MTFR1L: variants seen among roughly 807,000 people sequenced by gnomAD.
MTFR1L encodes mitochondrial fission regulator 1 like, also known as mitochondrial fission regulator 1-like.
A neutral mutation model predicts 27.9 loss-of-function variants in MTFR1L; 10 were observed. That is an observed-to-expected ratio of 0.36 (90% CI 0.22 to 0.61). The LOEUF (loss-of-function observed/expected upper bound fraction) is 0.61. MTFR1L is among the 20% of genes least tolerant of loss of function. The pLI is 0.73. For missense variants in MTFR1L, 315 were observed against 363.7 expected, an observed-to-expected ratio of 0.87 and a Z score of 1.09; for synonymous variants, 151 against 139.4, an observed-to-expected ratio of 1.08 and a Z score of -0.58.
At chr1:25,823,789 G>A (rs1464944390) in intron 3 of MTFR1L, 41 bp downstream of exon 3, 1 of 1,605,018 alleles carries the variant, frequency 6.2e-7, no homozygotes, top group Admixed American at 1.7e-5. Context: ...GGCTCAGACA[G>A]TGCTGCTTCT....
In MTFR1L at chr1:25,832,304, T is replaced by A; in HGVS notation, c.*278T>A. On this transcript the variant is annotated 3_prime_UTR_variant, in exon 7 of 7. Coordinates refer to ENST00000374303, the MANE Select transcript of MTFR1L (RefSeq NM_001099625.2). Reference sequence around the variant, plus strand: ...TAAAGGGTAAGAGAGAAGTTGTTTCTGGTTTTTCCTTGCCCCTGTGTGAAA... The same window carrying A: ...TAAAGGGTAAGAGAGAAGTTGTTTCAGGTTTTTCCTTGCCCCTGTGTGAAA... 1 of 909,628 alleles carries A rather than the reference T, an allele frequency of 1.1e-6. No homozygotes were observed. Among genetic ancestry groups the A allele is most frequent in the Non-Finnish European group, 1.6e-6 (1 of 608,996 alleles). The allele number at this position is 909,628 out of a possible 1,614,324, so 56.3% of individuals were successfully genotyped here. A position where few individuals can be genotyped will look rare whatever the true frequency, so the allele number is the denominator to read the frequency against.
chr1:25,826,253 T>C lies in MTFR1L; in HGVS notation c.130-49T>C. On this transcript the variant is annotated intron_variant, in intron 3 of 6. Coordinates refer to ENST00000374303, the MANE Select transcript of MTFR1L (RefSeq NM_001099625.2). The surrounding 1 kb of genome is among the most constrained non-coding windows in gnomAD (Gnocchi z 4.1). Reference sequence around the variant, plus strand: ...TCCTGTGTATTCTGCAGTTTCTGATTGGCTCATCATGGCATCTGTAAATGT... The same window carrying C: ...TCCTGTGTATTCTGCAGTTTCTGATCGGCTCATCATGGCATCTGTAAATGT... 6.6e-7 allele frequency: 1 copy of C among 1,524,998 alleles called. No homozygotes were observed. The highest frequency in any genetic ancestry group is 1.1e-5 in the South Asian group (1 of 88,230). 94.5% of individuals were successfully genotyped at this position (1,524,998 alleles called of 1,614,324 possible).
At chr1:25,827,275 A>G (rs2048181079) in intron 5 of MTFR1L, among the ~76,000 whole-genome samples, 1 of 151,486 alleles carries the variant, frequency 6.6e-6, no homozygotes, top group Non-Finnish European at 1.5e-5. Flanking sequence ...AGCTGGGACT[A>G]CAGGGGTGTG....
chr1:25,829,790 A>G lies in MTFR1L; in HGVS notation c.733A>G (p.Ile245Val). Residue 245 changes from isoleucine (I) to valine (V), a missense_variant, in exon 6 of 7, where the codon ATC becomes GTC. By Grantham distance (29) the Ile-to-Val change is conservative (BLOSUM62 3). Coordinates refer to ENST00000374303, the MANE Select transcript of MTFR1L (RefSeq NM_001099625.2). ...CAGCAGCTTTGCAGACATGATGGGT[A>G]TCCTGAAGGACTTTCACCGAATGAA... The part of the protein sequence containing the change: ...KASSFADMMG[I>V]LKDFHRMKQS... 1 of 1,607,632 alleles carries G rather than the reference A, an allele frequency of 6.2e-7. No homozygotes were observed. Among genetic ancestry groups the G allele is most frequent in the Admixed American group, 1.7e-5 (1 of 60,012 alleles).
At position 25,831,917 on chromosome 1, in the gene MTFR1L, C is replaced by G. The variant is rs2048248160; in HGVS notation, c.774-4C>G. On this transcript the variant is annotated splice_region_variant and splice_polypyrimidine_tract_variant and intron_variant, in intron 6 of 6. Coordinates refer to ENST00000374303, the MANE Select transcript of MTFR1L (RefSeq NM_001099625.2). ...AAGTACTCAAGCTATTATTGTGTCT[C>G]TAGGAACCGGAGTTTATTGAAGGAG... The G allele has an allele frequency of 6.2e-7, 1 of 1,613,094 alleles. No homozygotes were observed. The highest frequency in any genetic ancestry group is 8.5e-7 in the Non-Finnish European group (1 of 1,179,210).
intron 5 of MTFR1L, among the ~76,000 whole-genome samples, chr1:25,827,884 C>G (rs1557444069): frequency 6.6e-6 from 1 of 152,086 alleles, no homozygotes; most frequent in African/African-American, 2.4e-5. Context: ...TGCCACCATG[C>G]CCAGCTAATT....
chr1:25,824,204 A>G lies in MTFR1L; in HGVS notation c.129+456A>G, dbSNP rs17163276. 2.4e-3 allele frequency among the ~76,000 whole-genome samples: 358 copies of G among 152,310 alleles called. 5 individuals are homozygous for G. The East Asian group carries it at 0.057, about 24-fold the overall frequency. ...CTATTTTTAGTGTTTCTCTGAGGCCATAATTCCTCAGCCTTCTCTTTTTGG... is the reference window on the plus strand; with the variant it reads ...CTATTTTTAGTGTTTCTCTGAGGCCGTAATTCCTCAGCCTTCTCTTTTTGG... On this transcript the variant is annotated intron_variant, in intron 3 of 6. Coordinates refer to ENST00000374303, the MANE Select transcript of MTFR1L (RefSeq NM_001099625.2).
chr1:25,821,141 C>T (rs1443075299), intron 1 of MTFR1L: 1 of 199,136 alleles, frequency 5.0e-6, no homozygotes, highest in African/African-American at 2.4e-5. Flanking sequence ...GGGTTTGGGA[C>T]TGATTGTGGA....
At chr1:25,828,915 T>A (rs1184666962) in intron 5 of MTFR1L, among the ~76,000 whole-genome samples, 1 of 152,218 alleles carries the variant, frequency 6.6e-6, no homozygotes, top group African/African-American at 2.4e-5. Flanking sequence ...TCTTGGCTAC[T>A]TTTTTGTCAT....
intron 3 of MTFR1L, among the ~76,000 whole-genome samples, chr1:25,824,813 G>A (rs566781288): frequency 7.9e-5 from 12 of 152,134 alleles, no homozygotes; most frequent in African/African-American, 2.9e-4. Flanking sequence ...GTGGCTCACT[G>A]CATAGAGGCC....
chr1:25,832,839 T>G lies in MTFR1L; in HGVS notation c.*813T>G, dbSNP rs913633355. ...AGGTTTGTATGTACCACACCATGCA[T>G]GACTCAGATGCCCTCAGGTCCCTTT... On this transcript the variant is annotated 3_prime_UTR_variant, in exon 7 of 7. Transcript: ENST00000374303. The G allele has an allele frequency of 6.5e-6, 1 of 153,986 alleles. No individual in the cohort carries two copies. The highest frequency in any genetic ancestry group is 2.4e-5 in the African/African-American group (1 of 41,434). 9.5% of individuals were successfully genotyped at this position (153,986 alleles called of 1,614,324 possible).
chr1:25,820,134 T>G, intron 1 of MTFR1L, 105 bp downstream of exon 1: 2 of 450,380 alleles, frequency 4.4e-6, no homozygotes, highest in Non-Finnish European at 8.9e-6. Context: ...CAGCTCCTGT[T>G]CCCGCGCGAG....
In MTFR1L at chr1:25,823,124, C is replaced by T; in HGVS notation, c.20C>T (p.Thr7Ile). The T allele has an allele frequency of 6.2e-7, 1 of 1,614,156 alleles. No individual in the cohort carries two copies. Among genetic ancestry groups the T allele is most frequent in the Non-Finnish European group, 8.5e-7 (1 of 1,179,994 alleles). The stretch of plus-strand genomic sequence containing the variant: ...GTTCAAATGTCAGGAATGGAAGCCA[C>T]TGTGGTAAGGGGCATTCCCAGGGCA... MSGMEATVTIPIWQNKP... is the reference protein window; with the variant it reads MSGMEAIVTIPIWQNKP... Residue 7 changes from threonine (T) to isoleucine (I), a missense_variant, in exon 2 of 7, where the codon ACT becomes ATT. Physicochemically the swap from Thr to Ile is moderately conservative, Grantham distance 89. Coordinates refer to ENST00000374303, the MANE Select transcript of MTFR1L (RefSeq NM_001099625.2).
chr1:25,820,965 C>T (rs941821333), intron 1 of MTFR1L: 8 of 291,650 alleles, frequency 2.7e-5, no homozygotes, highest in Non-Finnish European at 5.2e-5. Context: ...AGAATGAGCT[C>T]GGCGAAGGGG....
intron 5 of MTFR1L, among the ~76,000 whole-genome samples, chr1:25,828,473 T>TGGAGGTGGAGGC (rs2048195825): frequency 6.6e-6 from 1 of 151,052 alleles, no homozygotes; most frequent in Non-Finnish European, 1.5e-5. Context: ...ACCTGGAAGG[T>TGGAGGTGGAGGC]GGAGGTGGAG....
chr1:25,825,889 A>G, intron 3 of MTFR1L: 1 of 194,820 alleles, frequency 5.1e-6, no homozygotes, highest in East Asian at 1.5e-4. Flanking sequence ...GCTAGAGTAC[A>G]GTGGTGCAAT....
At chr1:25,827,155 CTGAG>C (rs2048179648) in intron 5 of MTFR1L, among the ~76,000 whole-genome samples, 1 of 151,318 alleles carries the variant, frequency 6.6e-6, no homozygotes, top group African/African-American at 2.4e-5. Context: ...TTTTTCTCCT[CTGAG>C]TGAGTCTTGC....
rs537385421 is a variant in MTFR1L, at chr1:25,824,575, T to G, written c.129+827T>G. Among the ~76,000 whole-genome samples the G allele has an allele frequency of 2.0e-3, 311 of 152,288 alleles. 1 individual carries two copies. The highest frequency in any genetic ancestry group is 5.6e-4 in the Non-Finnish European group (38 of 68,034). Reference sequence around the variant, plus strand: ...GAAGGAGCCAAATCTGTATAAAAGATGCTAAGAAGCAGAGTCTGTAGGAAC... The same window carrying G: ...GAAGGAGCCAAATCTGTATAAAAGAGGCTAAGAAGCAGAGTCTGTAGGAAC... On this transcript the variant is annotated intron_variant, in intron 3 of 6. Transcript: ENST00000374303.
In MTFR1L at chr1:25,826,345, C is replaced by T. The variant is rs1348409209; in HGVS notation, c.173C>T (p.Pro58Leu). The change falls in exon 4 of 7, where the codon CCA (proline) becomes CTA (leucine). Residue 58 changes from proline to leucine, a missense_variant. Transcript: ENST00000374303. This position sits in a 1 kb window ranked among gnomAD's most constrained non-coding sequence, Gnocchi z 4.1. ...ISDLCLRDVP[P>L]VPTLADIAWI... ...GACCTGTGTTTGAGAGATGTGCCCC[C>T]AGTCCCTACCCTGGCTGACATCGCC... 6.2e-7 allele frequency: 1 copy of T among 1,614,084 alleles called. No individual in the cohort carries two copies. Among genetic ancestry groups the T allele is most frequent in the East Asian group, 2.2e-5 (1 of 44,900 alleles).
Sources: allele counts gnomAD v4.1 joint callset (sites outside exome capture counted in the v4.1 genomes callset), GRCh38; gene constraint gnomAD v4.1.1; non-coding constraint Gnocchi (gnomAD v3.1); transcripts MANE v1.5; gene names NCBI Gene and HGNC (gene_info 2026-07-23, HGNC 2026-07-21).